The following TJP2 variants were observed in gnomAD, a reference collection of about 807,000 sequenced individuals.
TJP2 encodes the protein Friedreich ataxia region gene X104 (tight junction protein ZO-2).
Under a neutral mutation model 133.1 loss-of-function variants are expected in TJP2, and 91 were observed. The observed-to-expected ratio is 0.68, with a 90% CI of 0.58 to 0.81. The LOEUF is 0.81. Among genes scored for constraint, TJP2 ranks in the 40% least tolerant of loss-of-function variants. The probability of loss-of-function intolerance (pLI) is 0.00; values close to 1 mark genes in which losing one functional copy is unlikely to be tolerated. For synonymous variants in TJP2, 592 were observed against 583.4 expected (o/e 1.01, Z -0.21); for missense variants, 1,541 against 1,565.6 (o/e 0.98, Z 0.26).
At chr9:69,171,345 C>T (rs934943112), upstream of TJP2, among the ~76,000 whole-genome samples, 2 of 152,152 alleles carry the variant, frequency 1.3e-5, no homozygotes, top group African/African-American at 4.8e-5. Context: ...CACAAAAATG[C>T]ATTTTTGGCC....
At chr9:69,210,132 C>CA (rs914928268) in intron 1 of TJP2, among the ~76,000 whole-genome samples, 2 of 150,672 alleles carry the variant, frequency 1.3e-5, no homozygotes, top group Non-Finnish European at 3.0e-5. Flanking sequence ...ACCAAAAATA[C>CA]AAAAAAATGA....
intron 7 of TJP2, 146 bp downstream of exon 7, chr9:69,226,321 G>A: frequency 1.1e-6 from 1 of 945,352 alleles, no homozygotes; most frequent in Non-Finnish European, 1.6e-6. Flanking sequence ...GTCACTGGTT[G>A]GTTGTTATTT....
intron 1 of TJP2, among the ~76,000 whole-genome samples, chr9:69,140,746 A>T (rs1822983474): frequency 6.6e-6 from 1 of 152,228 alleles, no homozygotes; most frequent in African/African-American, 2.4e-5. Context: ...AACTGCTAGA[A>T]TCCTACAATT....
Position 69,190,062 on chromosome 9 carries a change from A to G in TJP2, c.60+15630A>G, listed in dbSNP as rs1002410427. On this transcript the variant is annotated intron_variant, in intron 1 of 22. Coordinates refer to ENST00000377245, the MANE Select transcript of TJP2 (RefSeq NM_004817.4). ...GAGGTGGAGTTTGCAGTGAGCCAAG[A>G]TGGCGCCACTGCACTCCAGCCTGGG... Among the ~76,000 whole-genome samples, 2 of 44,366 alleles carry G rather than the reference A, an allele frequency of 4.5e-5. 1 individual carries two copies. The highest frequency in any genetic ancestry group is 1.7e-4 in the African/African-American group (2 of 11,914). The allele number at this position is 44,366 out of a possible 152,430, so 29.1% of individuals were successfully genotyped here.
chr9:69,206,702 C>T (rs1304539836), intron 1 of TJP2, among the ~76,000 whole-genome samples: 4 of 152,026 alleles, frequency 2.6e-5, no homozygotes, highest in South Asian at 2.1e-4. Flanking sequence ...CTCAGCCTCC[C>T]GAGTAGCTGG....
chr9:69,211,647 G>A (rs949564120), intron 1 of TJP2, among the ~76,000 whole-genome samples: 12 of 152,198 alleles, frequency 7.9e-5, no homozygotes, highest in African/African-American at 2.2e-4. Flanking sequence ...GTGTGGTCAC[G>A]TCTGTAATAT....
Position 69,174,774 on chromosome 9 carries a change from CTTCT to C in TJP2, c.60+343_60+346del. ...GTCGCTTGCATGTCTTTGTGTTTTC[CTTCT>C]CTATTTCAAACCACACTCGGTATTG... On this transcript the variant is annotated intron_variant, in intron 1 of 22. Coordinates refer to ENST00000377245, the MANE Select transcript of TJP2 (RefSeq NM_004817.4). Among the ~76,000 whole-genome samples, 2 of 121,768 alleles carry C rather than the reference CTTCT, an allele frequency of 1.6e-5. 1 individual carries two copies. Among genetic ancestry groups the C allele is most frequent in the East Asian group, 6.7e-4 (2 of 3,000 alleles). The allele number at this position is 121,768 out of a possible 152,430, so 79.9% of individuals were successfully genotyped here.
chr9:69,136,952 T>C (rs1474132591), intron 1 of TJP2, among the ~76,000 whole-genome samples: 4 of 152,164 alleles, frequency 2.6e-5, no homozygotes, highest in Non-Finnish European at 2.9e-5. Context: ...GCACCACTGC[T>C]CAGGGCAACG....
intron 1 of TJP2, among the ~76,000 whole-genome samples, chr9:69,175,634 A>G (rs1825029203): frequency 6.6e-6 from 1 of 152,214 alleles, no homozygotes; most frequent in Admixed American, 6.5e-5. Context: ...CAGATGAGCA[A>G]GAGCGTGGCT....
At chr9:69,233,622 A>G (rs1829951302) in intron 11 of TJP2, among the ~76,000 whole-genome samples, 1 of 152,126 alleles carries the variant, frequency 6.6e-6, no homozygotes, top group Non-Finnish European at 1.5e-5. Context: ...AAAATACAAA[A>G]AAAATTAGCT....
intron 15 of TJP2, 124 bp from the exon 16 acceptor site, chr9:69,238,586 C>T (rs1830361498): frequency 2.5e-6 from 2 of 787,644 alleles, no homozygotes; most frequent in Non-Finnish European, 4.4e-6. Context: ...TGGGTCCTTC[C>T]CACTGAATCT....
chr9:69,245,590 T>C (rs919075404), intron 17 of TJP2, among the ~76,000 whole-genome samples: 11 of 152,230 alleles, frequency 7.2e-5, no homozygotes, highest in African/African-American at 2.2e-4. Context: ...GCTGAGACCA[T>C]AGGCTCTGAA....
intron 1 of TJP2, among the ~76,000 whole-genome samples, chr9:69,184,350 T>C (rs1825706536): frequency 6.6e-6 from 1 of 152,212 alleles, no homozygotes; most frequent in Admixed American, 6.5e-5. Context: ...CAGAGAAGAC[T>C]CAGAAGGTCT....
intron 1 of TJP2, among the ~76,000 whole-genome samples, chr9:69,206,174 C>T (rs911326958): frequency 6.6e-6 from 1 of 152,046 alleles, no homozygotes; most frequent in African/African-American, 2.4e-5. Context: ...ACACTACTTA[C>T]GTGAAAAGTA....
At chr9:69,213,886 T>A (rs977319570) in intron 2 of TJP2, among the ~76,000 whole-genome samples, 3 of 152,198 alleles carry the variant, frequency 2.0e-5, no homozygotes, top group Admixed American at 6.5e-5. Context: ...CAAAGCCATG[T>A]GATTAATAGA....
intron 1 of TJP2, among the ~76,000 whole-genome samples, chr9:69,209,228 G>C (rs1345489615): frequency 1.3e-5 from 2 of 152,090 alleles, no homozygotes; most frequent in Non-Finnish European, 2.9e-5. Context: ...CACCTCCCAG[G>C]TTCAAGTGAT....
chr9:69,137,244 T>C (rs1177545582), intron 1 of TJP2, among the ~76,000 whole-genome samples: 2 of 53,162 alleles, frequency 3.8e-5, no homozygotes, highest in East Asian at 6.0e-4. Context: ...TTTCTTTCTC[T>C]CTCTCTTTCT....
chr9:69,246,206 G>T (rs1830913212), intron 17 of TJP2: 1 of 196,238 alleles, frequency 5.1e-6, no homozygotes, highest in African/African-American at 2.3e-5. Flanking sequence ...GTGGATTTTG[G>T]TATCCAAGTG....
In TJP2 at chr9:69,189,910, A is replaced by G. The variant is rs1257277203; in HGVS notation, c.60+15478A>G. ...ATCATGAGGTCAGGAGATCGAGATC[A>G]TCCTGGCTAACACGGTGAAACCCCG... On this transcript the variant is annotated intron_variant, in intron 1 of 22. Transcript: ENST00000377245. Among the ~76,000 whole-genome samples the G allele has an allele frequency of 1.8e-5, 2 of 111,024 alleles. 1 individual carries two copies. Among genetic ancestry groups the G allele is most frequent in the Non-Finnish European group, 4.0e-5 (2 of 49,454 alleles). 72.8% of individuals were successfully genotyped at this position (111,024 alleles called of 152,430 possible).
Sources: gnomAD v4.1 joint callset for allele counts (sites outside exome capture counted in the v4.1 genomes callset) on GRCh38, gnomAD v4.1.1 for gene constraint, MANE v1.5 for transcripts, NCBI Gene and HGNC (gene_info 2026-07-23, HGNC 2026-07-21) for gene names.